CADPS: variants seen among roughly 807,000 people sequenced by gnomAD.
The protein encoded by CADPS is calcium dependent secretion activator.
A neutral mutation model predicts 167.3 loss-of-function variants in CADPS; 57 were observed. The observed-to-expected ratio is 0.34, with a 90% confidence interval of 0.28 to 0.42. The LOEUF (loss-of-function observed/expected upper bound fraction) is 0.42, where lower values mean the gene tolerates loss of function less well. Ranked by LOEUF, CADPS falls within the 20% of genes least tolerant of loss-of-function variation. The pLI is 1.00. For synonymous variants in CADPS, 676 were observed against 635.3 expected, an observed-to-expected ratio of 1.06 and a Z score of -0.96; for missense variants, 1,414 against 1,738.1, an observed-to-expected ratio of 0.81 and a Z score of 3.32.
At position 62,557,552 on chromosome 3, in the gene CADPS, G is replaced by A. The variant is rs201929849; in HGVS notation, c.1645-39C>T. On this transcript the variant is annotated intron_variant, in intron 9 of 29. Transcript: ENST00000383710. ...GCAGATTGTGAGGTTGACCCCTGGA[G>A]CCTGTCTTCTCCAAAAAACCCTCCC... 41 of 1,502,204 alleles carry A rather than the reference G, an allele frequency of 2.7e-5. No individual in the cohort carries two copies. The African/African-American group carries it at 4.7e-4, about 17-fold the overall frequency. 93.1% of individuals were successfully genotyped at this position (1,502,204 alleles called of 1,614,324 possible).
intron 1 of CADPS, among the ~76,000 whole-genome samples, chr3:62,863,402 A>G (rs2081158245): frequency 1.3e-5 from 2 of 152,204 alleles, no homozygotes; most frequent in East Asian, 3.8e-4. Context: ...TTGTAAATAT[A>G]TAGAACAGTG....
intron 1 of CADPS, among the ~76,000 whole-genome samples, chr3:62,803,257 C>T (rs138312058): frequency 4.2e-4 from 63 of 151,476 alleles, no homozygotes; most frequent in Non-Finnish European, 4.0e-4. Context: ...CTTGAAAACA[C>T]AGAGAAAGCT....
At chr3:62,563,896 A>T (rs1025984184) in intron 9 of CADPS, among the ~76,000 whole-genome samples, 1 of 152,214 alleles carries the variant, frequency 6.6e-6, no homozygotes, top group Non-Finnish European at 1.5e-5. Context: ...GATGAGTAGT[A>T]TTCCATCATA....
chr3:62,694,722 C>T (rs1270397380), intron 3 of CADPS, among the ~76,000 whole-genome samples: 1 of 152,046 alleles, frequency 6.6e-6, no homozygotes, highest in African/African-American at 2.4e-5. Flanking sequence ...CAGCAACAGG[C>T]TTCTGCCCAT....
chr3:62,566,572 G>A (rs2080250574), intron 9 of CADPS, among the ~76,000 whole-genome samples: 1 of 142,828 alleles, frequency 7.0e-6, no homozygotes, highest in Non-Finnish European at 1.5e-5. Context: ...TTCTAAATGT[G>A]ATCACTTAAA....
chr3:62,809,511 ACTGTTTCCTTTTGTTGTTCAG>A (rs1559727001), intron 1 of CADPS, among the ~76,000 whole-genome samples: 1 of 152,106 alleles, frequency 6.6e-6, no homozygotes, highest in South Asian at 2.1e-4. Context: ...ATCTCATGTG[ACTGTTTCCTTTTGTTGTTCAG>A]GTTTCAGCCT....
chr3:62,579,139 T>C (rs527646780), intron 8 of CADPS, among the ~76,000 whole-genome samples: 19 of 152,212 alleles, frequency 1.2e-4, no homozygotes, highest in Non-Finnish European at 2.1e-4. Context: ...CTGTGGTTCA[T>C]TGAATGAATT....
chr3:62,839,731 T>C (rs1388400571), intron 1 of CADPS, among the ~76,000 whole-genome samples: 3 of 152,098 alleles, frequency 2.0e-5, no homozygotes, highest in African/African-American at 2.4e-5. Flanking sequence ...AAATAGAGGA[T>C]GGAAAACGGC....
chr3:62,747,144 T>G (rs567642623), intron 3 of CADPS, among the ~76,000 whole-genome samples: 11 of 152,334 alleles, frequency 7.2e-5, no homozygotes, highest in African/African-American at 2.6e-4. Flanking sequence ...TAAAATCTGT[T>G]GAATGAATGA....
Position 62,690,775 on chromosome 3 carries a change from C to T in CADPS, c.889-28381G>A, listed in dbSNP as rs551755324. Reference sequence around the variant, plus strand: ...TCACAGAATTTCTTAAAGGTCCATCCACCTGTACACAAAGGAAAACACATG... The same window carrying T: ...TCACAGAATTTCTTAAAGGTCCATCTACCTGTACACAAAGGAAAACACATG... On this transcript the variant is annotated intron_variant, in intron 3 of 29. Coordinates refer to ENST00000383710, the MANE Select transcript of CADPS (RefSeq NM_003716.4). 3.3e-5 allele frequency among the ~76,000 whole-genome samples: 5 copies of T among 152,034 alleles called. No homozygotes were observed. The East Asian group carries it at 9.7e-4, about 30-fold the overall frequency.
At chr3:62,461,155 T>C (rs73840198) in intron 26 of CADPS, among the ~76,000 whole-genome samples, 2,848 of 152,302 alleles carry the variant, frequency 0.019, 72 homozygotes, top group African/African-American at 0.065. Flanking sequence ...AAGAGTGTTG[T>C]TGGAATGGGA....
chr3:62,590,275 G>A (rs2085655521), intron 7 of CADPS, among the ~76,000 whole-genome samples: 2 of 152,028 alleles, frequency 1.3e-5, no homozygotes, highest in Admixed American at 1.3e-4. Context: ...TCCTGCGCTG[G>A]TCAGTTACAC....
intron 3 of CADPS, among the ~76,000 whole-genome samples, chr3:62,703,024 C>T (rs918327059): frequency 3.9e-5 from 6 of 152,030 alleles, no homozygotes; most frequent in Admixed American, 6.5e-5. Context: ...ATCCTGGTGC[C>T]GGAGCCCATG....
At chr3:62,669,006 C>T (rs1468713161) in intron 3 of CADPS, among the ~76,000 whole-genome samples, 2 of 152,202 alleles carry the variant, frequency 1.3e-5, no homozygotes, top group South Asian at 2.1e-4. Flanking sequence ...CTGCAGAAAT[C>T]GGTAAAGACT....
At chr3:62,552,295 G>T (rs1285136399) in intron 10 of CADPS, among the ~76,000 whole-genome samples, 1 of 151,512 alleles carries the variant, frequency 6.6e-6, no homozygotes, top group Admixed American at 6.6e-5. Flanking sequence ...GAGTTAATGG[G>T]TGCAGCACAC....
chr3:62,582,028 T>A (rs1247712469), intron 8 of CADPS, among the ~76,000 whole-genome samples: 16 of 152,340 alleles, frequency 1.1e-4, no homozygotes, highest in Admixed American at 7.8e-4. Context: ...AATGGCCCAG[T>A]GGCTCATTCA....
At chr3:62,823,717 C>T (rs2073454553) in intron 1 of CADPS, among the ~76,000 whole-genome samples, 1 of 152,204 alleles carries the variant, frequency 6.6e-6, no homozygotes, top group South Asian at 2.1e-4. Context: ...AAGCAGACTA[C>T]ATTTATTCCG....
chr3:62,552,762 T>A (rs1174095665), intron 10 of CADPS, among the ~76,000 whole-genome samples: 1 of 152,222 alleles, frequency 6.6e-6, no homozygotes, highest in Non-Finnish European at 1.5e-5. Context: ...TTTAGGACAA[T>A]AAATAGCTAC....
At chr3:62,850,807 G>C (rs1371953004) in intron 1 of CADPS, among the ~76,000 whole-genome samples, 1 of 151,026 alleles carries the variant, frequency 6.6e-6, no homozygotes, top group East Asian at 2.0e-4. Context: ...GTGCAGAGCT[G>C]AGTTCAATTC....
Sources: allele counts gnomAD v4.1 joint callset (sites outside exome capture counted in the v4.1 genomes callset), GRCh38; gene constraint gnomAD v4.1.1; transcripts MANE v1.5; gene names NCBI Gene and HGNC (gene_info 2026-07-23, HGNC 2026-07-21).